Variants in THSD4 observed in about 807,000 individuals in gnomAD.
THSD4 encodes the protein thrombospondin type 1 domain containing 4.
In THSD4, 69 loss-of-function variants were observed where a neutral mutation model predicts 119.0. That is an observed-to-expected ratio of 0.58 (90% CI 0.48 to 0.71). THSD4 has a LOEUF of 0.71. Ranked by LOEUF, THSD4 falls within the 30% of genes least tolerant of loss-of-function variation. The pLI, the probability that THSD4 is intolerant of heterozygous loss-of-function variation, is 0.00. For synonymous variants in THSD4, 524 were observed against 540.4 expected, an observed-to-expected ratio of 0.97 and a Z score of 0.42; for missense variants, 1,393 against 1,391.1, an observed-to-expected ratio of 1.00 and a Z score of -0.02.
At chr15:71,645,380 AAG>A (rs1385624108) in intron 7 of THSD4, among the ~76,000 whole-genome samples, 2 of 152,132 alleles carry the variant, frequency 1.3e-5, no homozygotes, top group African/African-American at 4.8e-5. Flanking sequence ...GCAAAGAGGG[AAG>A]CCTCATATAA....
At chr15:71,383,880 A>G (rs1242739791) in intron 6 of THSD4, among the ~76,000 whole-genome samples, 3 of 152,208 alleles carry the variant, frequency 2.0e-5, no homozygotes, top group East Asian at 1.9e-4. Flanking sequence ...CGTAGTTTAT[A>G]TAATACGCCG....
chr15:71,207,433 G>A (rs1038931968), intron 3 of THSD4, among the ~76,000 whole-genome samples: 1 of 152,358 alleles, frequency 6.6e-6, no homozygotes, highest in Admixed American at 6.5e-5. Context: ...CGTTCCAGGA[G>A]CTGCTTTCTG....
intron 6 of THSD4, among the ~76,000 whole-genome samples, chr15:71,263,331 GTATA>G (rs60448462): frequency 7.2e-6 from 1 of 138,842 alleles, no homozygotes; most frequent in African/African-American, 2.7e-5. Context: ...GTATTCCATG[GTATA>G]TATATATATA....
intron 8 of THSD4, among the ~76,000 whole-genome samples, chr15:71,673,388 T>C (rs1016633200): frequency 6.6e-6 from 1 of 152,236 alleles, no homozygotes; most frequent in African/African-American, 2.4e-5. Context: ...TTTTCTTCTT[T>C]ATTAGTCTTG....
chr15:71,761,479 G>T (rs1360996540), intron 15 of THSD4, among the ~76,000 whole-genome samples: 1 of 152,016 alleles, frequency 6.6e-6, no homozygotes. Flanking sequence ...ATAGTTTTCT[G>T]CTTTCCCCCC....
At chr15:71,523,319 A>G (rs373026328) in intron 7 of THSD4, among the ~76,000 whole-genome samples, 3 of 152,192 alleles carry the variant, frequency 2.0e-5, no homozygotes, top group South Asian at 4.2e-4. Flanking sequence ...CACTGGCTGC[A>G]TCCCTCCAAT....
intron 7 of THSD4, among the ~76,000 whole-genome samples, chr15:71,627,015 T>C (rs909245546): frequency 5.3e-5 from 8 of 152,232 alleles, no homozygotes; most frequent in East Asian, 1.9e-4. Context: ...TTCTCTGTTA[T>C]ATGAATTTAG....
intron 6 of THSD4, among the ~76,000 whole-genome samples, chr15:71,310,884 T>G (rs893792405): frequency 1.1e-4 from 17 of 152,154 alleles, no homozygotes; most frequent in African/African-American, 3.9e-4. Flanking sequence ...AGAAAACCTT[T>G]TACTTCTGAG....
chr15:71,337,745 C>T (rs1203884643), intron 6 of THSD4, among the ~76,000 whole-genome samples: 1 of 152,118 alleles, frequency 6.6e-6, no homozygotes, highest in African/African-American at 2.4e-5. Flanking sequence ...TTGCATACCC[C>T]AGGTGAACCT....
intron 3 of THSD4, among the ~76,000 whole-genome samples, chr15:71,197,784 A>G (rs2043733028): frequency 1.3e-5 from 2 of 152,072 alleles, no homozygotes; most frequent in Admixed American, 1.3e-4. Context: ...GGTCCCACTG[A>G]ATACCTGCTG....
chr15:71,735,107 C>T (rs555695799), intron 10 of THSD4, among the ~76,000 whole-genome samples: 3 of 152,308 alleles, frequency 2.0e-5, no homozygotes, highest in Admixed American at 1.3e-4. Context: ...GACACACACA[C>T]ACACATATTC....
chr15:71,267,366 T>C (rs2044476112), intron 6 of THSD4, among the ~76,000 whole-genome samples: 1 of 152,168 alleles, frequency 6.6e-6, no homozygotes, highest in African/African-American at 2.4e-5. Flanking sequence ...CAAACTAAGC[T>C]TCATAAGTGA....
Position 71,412,901 on chromosome 15 carries a change from AC to A in THSD4, c.1152+1079del, listed in dbSNP as rs1416552642. On this transcript the variant is annotated intron_variant, in intron 7 of 17. Transcript: ENST00000261862. ...ATATGTGATATTTTGATACAGACAT[AC>A]AGTGTGTAATGATCAAATCTGGGTA... 2.6e-5 allele frequency among the ~76,000 whole-genome samples: 4 copies of A among 152,318 alleles called. No homozygotes were observed. The South Asian group carries it at 8.3e-4, about 32-fold the overall frequency.
intron 7 of THSD4, among the ~76,000 whole-genome samples, chr15:71,640,639 T>C (rs551988802): frequency 2.0e-5 from 3 of 152,282 alleles, no homozygotes; most frequent in Non-Finnish European, 4.4e-5. Context: ...TTCCCCAAAT[T>C]GCATGATATC....
intron 5 of THSD4, among the ~76,000 whole-genome samples, chr15:71,245,661 C>A (rs908789442): frequency 6.6e-6 from 1 of 152,170 alleles, no homozygotes; most frequent in Non-Finnish European, 1.5e-5. Context: ...AGTTCTATAC[C>A]AGAGAAGTCT....
intron 3 of THSD4, among the ~76,000 whole-genome samples, chr15:71,188,124 A>G (rs1427452012): frequency 6.6e-6 from 1 of 152,210 alleles, no homozygotes; most frequent in Non-Finnish European, 1.5e-5. Context: ...GGAAAGGATG[A>G]AGGTAAATAC....
At chr15:71,577,801 A>G (rs1378101813) in intron 7 of THSD4, among the ~76,000 whole-genome samples, 6 of 145,814 alleles carry the variant, frequency 4.1e-5, no homozygotes, top group East Asian at 4.1e-4. Context: ...GCTCACTGCA[A>G]CCTCCACCTC....
intron 7 of THSD4, among the ~76,000 whole-genome samples, chr15:71,431,656 AG>A: frequency 6.6e-6 from 1 of 152,196 alleles, no homozygotes; most frequent in Non-Finnish European, 1.5e-5. Context: ...ATGATTTATT[AG>A]GGGAACTTAC....
intron 6 of THSD4, among the ~76,000 whole-genome samples, chr15:71,304,960 C>T (rs143547370): frequency 6.6e-6 from 1 of 152,146 alleles, no homozygotes; most frequent in African/African-American, 2.4e-5. Flanking sequence ...TTTGTTCTTG[C>T]CCAGGCAATA....
Sources: allele counts gnomAD v4.1 joint callset (sites outside exome capture counted in the v4.1 genomes callset), GRCh38; gene constraint gnomAD v4.1.1; transcripts MANE v1.5; gene names NCBI Gene and HGNC (gene_info 2026-07-23, HGNC 2026-07-21).